Variants in TEX9 observed in about 807,000 individuals in gnomAD.
TEX9 encodes the protein testis-expressed protein 9.
TEX9 carries 74 observed loss-of-function variants against 59.6 expected under a neutral mutation model. The ratio of observed to expected loss-of-function variants is 1.24; its 90% CI spans 1.03 to 1.51. The LOEUF is 1.51. Among genes scored for constraint, TEX9 ranks in the 40% most tolerant of loss-of-function variants. TEX9 has a pLI of 0.00. For missense variants in TEX9, 522 were observed against 447.8 expected, an observed-to-expected ratio of 1.17 and a Z score of -1.49; for synonymous variants, 186 against 152.2, an observed-to-expected ratio of 1.22 and a Z score of -1.64.
At chr15:56,373,405 G>T in intron 2 of TEX9, 36 bp from the exon 3 acceptor site, 1 of 1,571,946 alleles carries the variant, frequency 6.4e-7, no homozygotes, top group Non-Finnish European at 8.6e-7. Context: ...TTTTTGTTAA[G>T]ATCTTCAGTA....
chr15:56,451,495 T>G, the TEX9 span, among the ~76,000 whole-genome samples: 1 of 152,336 alleles, frequency 6.6e-6, no homozygotes. Context: ...TTCTGATGTT[T>G]GTAGTCGGGG....
At chr15:56,338,173 A>C (rs1478884094) in intron 1 of TEX9, among the ~76,000 whole-genome samples, 1 of 152,204 alleles carries the variant, frequency 6.6e-6, no homozygotes, top group Non-Finnish European at 1.5e-5. Flanking sequence ...TCCTCTCTGC[A>C]AACTAGAGCC....
intron 1 of TEX9, among the ~76,000 whole-genome samples, chr15:56,334,407 G>A (rs1290699210): frequency 3.3e-5 from 5 of 152,114 alleles, no homozygotes; most frequent in African/African-American, 1.2e-4. Context: ...ATACAGTAAG[G>A]AGAGAACAGT....
chr15:56,250,929 T>A (rs1361787214), intron 1 of TEX9, among the ~76,000 whole-genome samples: 1 of 152,232 alleles, frequency 6.6e-6, no homozygotes, highest in African/African-American at 2.4e-5. Context: ...AGAGTATGAT[T>A]TGAATAGCTG....
intron 7 of TEX9, chr15:56,393,840 G>A (rs1291435349): frequency 5.7e-6 from 1 of 176,102 alleles, no homozygotes; most frequent in African/African-American, 2.4e-5. Flanking sequence ...GAAGATTTAT[G>A]TTTGTTTCTG....
intron 1 of TEX9, among the ~76,000 whole-genome samples, chr15:56,273,390 A>G (rs2044595151): frequency 1.3e-5 from 2 of 152,210 alleles, no homozygotes; most frequent in Non-Finnish European, 2.9e-5. Context: ...TGTCACTCAC[A>G]TGTAATGTTA....
chr15:56,365,123 C>T (rs1273761964), upstream of TEX9, among the ~76,000 whole-genome samples: 4 of 152,212 alleles, frequency 2.6e-5, no homozygotes, highest in African/African-American at 9.6e-5. Context: ...TTGAAAAGCA[C>T]AACAGGGAGG....
At chr15:56,294,271 G>A (rs912866210) in intron 1 of TEX9, among the ~76,000 whole-genome samples, 1 of 152,196 alleles carries the variant, frequency 6.6e-6, no homozygotes, top group African/African-American at 2.4e-5. Context: ...AAGTCTGCTT[G>A]TCCATTCAGA....
At chr15:56,258,667 G>A (rs1431768831) in intron 1 of TEX9, among the ~76,000 whole-genome samples, 1 of 151,528 alleles carries the variant, frequency 6.6e-6, no homozygotes, top group Admixed American at 6.6e-5. Flanking sequence ...CCTCCATTTT[G>A]TTGGGGATGT....
chr15:56,425,119 G>A (rs765908536), intron 10 of TEX9, among the ~76,000 whole-genome samples: 5 of 152,048 alleles, frequency 3.3e-5, no homozygotes, highest in Non-Finnish European at 5.9e-5. Flanking sequence ...TAATCTTACA[G>A]ATGCTCCCTT....
intron 1 of TEX9, among the ~76,000 whole-genome samples, chr15:56,246,757 C>G (rs1248402436): frequency 4.6e-5 from 7 of 152,128 alleles, no homozygotes; most frequent in Non-Finnish European, 1.5e-5. Context: ...AGTTTATTCT[C>G]TACTGGGAAA....
intron 1 of TEX9, among the ~76,000 whole-genome samples, chr15:56,302,900 C>G (rs553787083): frequency 3.3e-5 from 5 of 152,240 alleles, no homozygotes; most frequent in African/African-American, 1.2e-4. Context: ...CAAGAAAGAA[C>G]AGGAGTCATT....
intron 9 of TEX9, among the ~76,000 whole-genome samples, chr15:56,408,241 C>T (rs767339149): frequency 6.6e-6 from 1 of 152,184 alleles, no homozygotes; most frequent in Non-Finnish European, 1.5e-5. Context: ...TGAAACTACT[C>T]TTAAAAAGGT....
chr15:56,428,251 C>A, intron 11 of TEX9, 116 bp from the exon 12 acceptor site: 1 of 716,216 alleles, frequency 1.4e-6, no homozygotes, highest in East Asian at 2.7e-5. Flanking sequence ...GTATACATTC[C>A]TACAACAGAA....
intron 1 of TEX9, among the ~76,000 whole-genome samples, chr15:56,349,721 G>A (rs2046539526): frequency 1.3e-5 from 2 of 151,132 alleles, no homozygotes; most frequent in African/African-American, 4.9e-5. Flanking sequence ...ATGTATATAA[G>A]CACATATACA....
intron 1 of TEX9, among the ~76,000 whole-genome samples, chr15:56,308,097 G>A (rs1185149670): frequency 6.6e-6 from 1 of 152,186 alleles, no homozygotes; most frequent in Admixed American, 6.5e-5. Flanking sequence ...ATATCTAGGA[G>A]TGAAAACGAT....
At position 56,378,712 on chromosome 15, in the gene TEX9, C is replaced by G. The variant is rs562563272; in HGVS notation, c.183+5208C>G. Among the ~76,000 whole-genome samples the G allele has an allele frequency of 2.0e-5, 3 of 151,716 alleles. No homozygotes were observed. In the East Asian group the frequency reaches 5.8e-4, roughly 29 times the overall value. On this transcript the variant is annotated intron_variant, in intron 3 of 12. Transcript: ENST00000352903. ...CAAATTCATTTATTTTTGCTCTGAT[C>G]TTCATTTCTTTTCTTCTACTAATTT...
At chr15:56,287,651 T>C (rs1197123527) in intron 1 of TEX9, among the ~76,000 whole-genome samples, 1 of 152,144 alleles carries the variant, frequency 6.6e-6, no homozygotes, top group Non-Finnish European at 1.5e-5. Flanking sequence ...TGAAATTTTT[T>C]GTCTTTTGAC....
chr15:56,323,665 G>C (rs1567085753), intron 1 of TEX9: 1 of 151,690 alleles, frequency 6.6e-6, no homozygotes, highest in African/African-American at 2.5e-5. Flanking sequence ...AAGATGAAGA[G>C]GAGGAAGAGG....
Sources: gnomAD v4.1 joint callset for allele counts (sites outside exome capture counted in the v4.1 genomes callset) on GRCh38, gnomAD v4.1.1 for gene constraint, MANE v1.5 for transcripts, NCBI Gene and HGNC (gene_info 2026-07-23, HGNC 2026-07-21) for gene names.